Variants in SPATA20 observed in about 807,000 individuals in gnomAD.
The protein encoded by SPATA20 is spermatogenesis associated 20.
In SPATA20, 74 loss-of-function variants were observed where a neutral mutation model predicts 98.9. The observed-to-expected ratio is 0.75, with a 90% CI of 0.62 to 0.91. The LOEUF (loss-of-function observed/expected upper bound fraction) is 0.91, where lower values mean the gene tolerates loss of function less well. SPATA20 is among the 40% of genes least tolerant of loss of function. The pLI, the probability that SPATA20 is intolerant of heterozygous loss-of-function variation, is 0.00. For synonymous variants in SPATA20, 430 were observed against 440.5 expected (o/e 0.98, Z 0.30); for missense variants, 1,016 against 1,069.8 (o/e 0.95, Z 0.70).
intron 1 of SPATA20, 158 bp downstream of exon 1, chr17:50,547,443 T>C (rs1250922229): frequency 1.1e-5 from 7 of 662,024 alleles, no homozygotes; most frequent in Non-Finnish European, 1.8e-5. Flanking sequence ...GAGACCTGGC[T>C]CTGGCTGTAA....
intron 11 of SPATA20, 25 bp downstream of exon 11, chr17:50,550,942 C>T (rs199635516): frequency 1.7e-5 from 27 of 1,612,198 alleles, no homozygotes; most frequent in African/African-American, 2.7e-5. Flanking sequence ...GGTCACCTGA[C>T]GGGCCCTGGT....
At chr17:50,547,307 C>T in intron 1 of SPATA20, 22 bp downstream of exon 1, 2 of 1,407,076 alleles carry the variant, frequency 1.4e-6, no homozygotes, top group Non-Finnish European at 9.2e-7. Flanking sequence ...CGAGCGGGCC[C>T]CTAGGGCACT....
At position 50,549,371 on chromosome 17, in the gene SPATA20, A is replaced by ACCGCCAGCTG. The variant is rs768627900; in HGVS notation, c.752_761dup (p.Ser255AlafsTer18). The ACCGCCAGCTG allele has an allele frequency of 6.2e-7, 1 of 1,612,498 alleles. No homozygotes were observed. The highest frequency in any genetic ancestry group is 8.5e-7 in the Non-Finnish European group (1 of 1,179,934). On this transcript the variant is annotated frameshift_variant, in exon 7 of 17. Transcript: ENST00000006658. LOFTEE classifies it high-confidence loss of function. ...GCCCGATCAGAGATCAGCGTGGGTG[A>ACCGCCAGCTG]CCGCCAGCTGCCGCCCTCTGCCGCC... is the stretch of plus-strand genomic sequence containing the variant.
At chr17:50,547,524 T>C in intron 1 of SPATA20, 196 bp from the exon 2 acceptor site, 1 of 665,506 alleles carries the variant, frequency 1.5e-6, no homozygotes, top group South Asian at 1.7e-5. Context: ...CAGTGCCAGC[T>C]CCTCAGGGAC....
chr17:50,553,504 G>A (rs537592158), intron 14 of SPATA20, among the ~76,000 whole-genome samples: 35 of 152,184 alleles, frequency 2.3e-4, no homozygotes, highest in African/African-American at 8.4e-4. Context: ...CAGGGCCCGC[G>A]TGTTCCAGGA....
Position 50,555,796 on chromosome 17 carries a change from C to T in SPATA20, c.*134C>T, listed in dbSNP as rs1183440148. 11 of 736,146 alleles carry T rather than the reference C, an allele frequency of 1.5e-5. No individual in the cohort carries two copies. The East Asian group carries it at 2.7e-4, about 18-fold the overall frequency. 45.6% of individuals were successfully genotyped at this position (736,146 alleles called of 1,614,324 possible). On this transcript the variant is annotated 3_prime_UTR_variant, in exon 17 of 17. Coordinates refer to ENST00000006658, the MANE Select transcript of SPATA20 (RefSeq NM_022827.4). ...CACCAGGTGACCTCGGCCATACTCA[C>T]TGCCCCCCTTGGGCACCCACTCACC...
chr17:50,554,349 G>A lies in SPATA20; in HGVS notation c.2056G>A (p.Val686Met), dbSNP rs1373386477. Residue 686 changes from valine (V) to methionine (M), a missense_variant, in exon 15 of 17, where the codon GTG (valine) becomes ATG (methionine). Val to Met is a conservative substitution (Grantham distance 21, BLOSUM62 1). Transcript: ENST00000006658. ...TGHKDWMDKC[V>M]CLLTAFSERM... ...CCACAAGGACTGGATGGACAAGTGT[G>A]TGTGCCTATTGACCGCCTTTTCCGA... 9 of 1,614,112 alleles carry A rather than the reference G, an allele frequency of 5.6e-6. No individual in the cohort carries two copies. Among genetic ancestry groups the A allele is most frequent in the Non-Finnish European group, 6.8e-6 (8 of 1,180,058 alleles).
Position 50,549,366 on chromosome 17 carries a change from G to A in SPATA20, c.741G>A (p.Val247=), listed in dbSNP as rs146811012. The change falls in exon 7 of 17, where the codon GTG becomes GTA. Residue 247 remains valine (V), a synonymous_variant. Transcript: ENST00000006658. The part of the protein sequence containing the change: ...TALLARSEIS[V]GDRQLPPSAA... ...TGCTGGCCCGATCAGAGATCAGCGT[G>A]GGTGACCGCCAGCTGCCGCCCTCTG... 7.0e-4 allele frequency: 1,130 copies of A among 1,612,586 alleles called. 9 individuals carry two copies. The Admixed American group carries it at 9.8e-3, about 14-fold the overall frequency.
At position 50,547,301 on chromosome 17, in the gene SPATA20, CG is replaced by C; in HGVS notation, c.77+19del. 7.3e-7 allele frequency: 1 copy of C among 1,379,116 alleles called. No homozygotes were observed. The highest frequency in any genetic ancestry group is 9.3e-7 in the Non-Finnish European group (1 of 1,073,670). 85.4% of individuals were successfully genotyped at this position (1,379,116 alleles called of 1,614,324 possible). Reference sequence around the variant, plus strand: ...CGAGCCGCAGGTACGGGCGGGCGAGCGGGCCCCTAGGGCACTCCCTGCGCCT... The same window carrying C: ...CGAGCCGCAGGTACGGGCGGGCGAGCGGCCCCTAGGGCACTCCCTGCGCCT... On this transcript the variant is annotated intron_variant, in intron 1 of 16. Transcript: ENST00000006658.
In SPATA20 at chr17:50,548,928, G is replaced by C. The variant is rs2034961161; in HGVS notation, c.480G>C (p.Arg160=). 1 of 1,614,058 alleles carries C rather than the reference G, an allele frequency of 6.2e-7. No individual in the cohort carries two copies. Residue 160 remains arginine (R), a synonymous_variant, in exon 5 of 17, where the codon CGG becomes CGC. Coordinates refer to ENST00000006658, the MANE Select transcript of SPATA20 (RefSeq NM_022827.4). The part of the protein sequence containing the change: ...FVSVKVDREE[R]PDVDKVYMTF... ...GTGTGAAGGTAGACCGTGAGGAGCG[G>C]CCTGACGTGGACAAGGTGTACATGA...
Position 50,550,563 on chromosome 17 carries a change from G to C in SPATA20, c.1126G>C (p.Val376Leu). ...CTCTGGTGATGAATTCTACTCTGAC[G>C]TGGCCAAAGGCATCCTGCAGTACGT... ...QLSGDEFYSD[V>L]AKGILQYVAR... The change falls in exon 10 of 17, where the codon GTG (valine) becomes CTG (leucine). Residue 376 changes from valine to leucine, a missense_variant. Transcript: ENST00000006658. The C allele has an allele frequency of 1.2e-6, 2 of 1,614,076 alleles. No homozygotes were observed. Among genetic ancestry groups the C allele is most frequent in the Non-Finnish European group, 1.7e-6 (2 of 1,180,012 alleles).
At chr17:50,551,391 C>T (rs1162214970) in intron 12 of SPATA20, 120 bp from the exon 13 acceptor site, 2 of 1,328,136 alleles carry the variant, frequency 1.5e-6, no homozygotes, top group East Asian at 2.3e-5. Flanking sequence ...GGCTTTGGAG[C>T]CCAAGATCTT....
chr17:50,554,516 T>C, intron 15 of SPATA20, 66 bp downstream of exon 15: 3 of 1,523,504 alleles, frequency 2.0e-6, no homozygotes, highest in Non-Finnish European at 2.7e-6. Context: ...CGATGGCAGA[T>C]GGGAACAGGG....
At chr17:50,547,870 A>G in intron 2 of SPATA20, 103 bp downstream of exon 2, 1 of 1,132,638 alleles carries the variant, frequency 8.8e-7, no homozygotes, top group Non-Finnish European at 1.3e-6. Flanking sequence ...AGCCACCAAC[A>G]GTAGGCTGCC....
chr17:50,549,326 G>A lies in SPATA20; in HGVS notation c.701G>A (p.Arg234His), dbSNP rs150174573. The A allele has an allele frequency of 1.1e-5, 17 of 1,612,412 alleles. No homozygotes were observed. In the East Asian group the frequency reaches 1.3e-4, roughly 13 times the overall value. ...NKNTLLENSQ[R>H]VTTALLARSE... ...AACACCCTGCTAGAAAATAGCCAGC[G>A]TGTCACCACTGCCCTGCTGGCCCGA... The change falls in exon 7 of 17, where the codon CGT (arginine) becomes CAT (histidine). Residue 234 changes from arginine (R) to histidine (H), a missense_variant. Transcript: ENST00000006658.
At chr17:50,547,924 A>G in intron 2 of SPATA20, 157 bp downstream of exon 2, 3 of 1,486,196 alleles carry the variant, frequency 2.0e-6, no homozygotes, top group Non-Finnish European at 2.7e-6. Context: ...GATGCCTCCA[A>G]GCAGCTGCTC....
At chr17:50,552,596 C>T (rs1597872613) in intron 14 of SPATA20, among the ~76,000 whole-genome samples, 1 of 133,816 alleles carries the variant, frequency 7.5e-6, no homozygotes, top group South Asian at 2.6e-4. Context: ...CAGGGTCTCA[C>T]TGTCACCCAG....
chr17:50,548,703 T>C, intron 4 of SPATA20, 85 bp downstream of exon 4: 2 of 1,587,636 alleles, frequency 1.3e-6, no homozygotes, highest in Non-Finnish European at 1.7e-6. Flanking sequence ...TGGCGGGTCT[T>C]CCAGGAGACT....
At chr17:50,553,599 A>G (rs1246386071) in intron 14 of SPATA20, among the ~76,000 whole-genome samples, 3 of 149,776 alleles carry the variant, frequency 2.0e-5, no homozygotes, top group African/African-American at 7.4e-5. Flanking sequence ...GGCTGGTCTC[A>G]AACTCCTGGG....
Sources: allele counts gnomAD v4.1 joint callset (sites outside exome capture counted in the v4.1 genomes callset), GRCh38; gene constraint gnomAD v4.1.1; transcripts MANE v1.5; gene names NCBI Gene and HGNC (gene_info 2026-07-23, HGNC 2026-07-21).